PARVA: variants seen among roughly 807,000 people sequenced by gnomAD.
The protein encoded by PARVA is parvin alpha.
A neutral mutation model predicts 52.6 loss-of-function variants in PARVA; 25 were observed. The ratio of observed to expected loss-of-function variants is 0.48; its 90% confidence interval spans 0.35 to 0.66. PARVA has a LOEUF of 0.66. Ranked by LOEUF, PARVA falls within the 30% of genes least tolerant of loss-of-function variation. The pLI is 0.01. For missense variants in PARVA, 373 were observed against 450.9 expected, an observed-to-expected ratio of 0.83 and a Z score of 1.56; for synonymous variants, 185 against 179.1, an observed-to-expected ratio of 1.03 and a Z score of -0.26.
intron 5 of PARVA, among the ~76,000 whole-genome samples, chr11:12,498,246 G>A (rs1941323724): frequency 6.6e-6 from 1 of 152,096 alleles, no homozygotes; most frequent in African/African-American, 2.4e-5. Flanking sequence ...ATGTTGCCCA[G>A]GCTGGTCTCG....
At chr11:12,506,098 A>G (rs1941428390) in intron 6 of PARVA, among the ~76,000 whole-genome samples, 2 of 152,160 alleles carry the variant, frequency 1.3e-5, no homozygotes, top group Non-Finnish European at 2.9e-5. Context: ...AGGGCAGGGA[A>G]TATATAGGAA....
At chr11:12,449,066 T>C (rs1940586330) in intron 1 of PARVA, among the ~76,000 whole-genome samples, 1 of 152,138 alleles carries the variant, frequency 6.6e-6, no homozygotes, top group African/African-American at 2.4e-5. Flanking sequence ...GGTTTAGGCA[T>C]GATGTTTGTT....
chr11:12,515,226 A>G (rs1941552365), intron 10 of PARVA, among the ~76,000 whole-genome samples: 1 of 152,160 alleles, frequency 6.6e-6, no homozygotes, highest in African/African-American at 2.4e-5. Flanking sequence ...TTTGAGCCTG[A>G]TGAATCCTGT....
At chr11:12,436,302 G>A (rs1009034614) in intron 1 of PARVA, among the ~76,000 whole-genome samples, 1 of 152,122 alleles carries the variant, frequency 6.6e-6, no homozygotes, top group Non-Finnish European at 1.5e-5. Context: ...TTATTAACCT[G>A]TCTCATACAC....
At chr11:12,386,798 A>G (rs113556794) in intron 1 of PARVA, among the ~76,000 whole-genome samples, 1 of 152,118 alleles carries the variant, frequency 6.6e-6, no homozygotes, top group Non-Finnish European at 1.5e-5. Flanking sequence ...CTGAGCTCTT[A>G]TTTCACCCAG....
chr11:12,397,989 C>G (rs987575130), intron 1 of PARVA, among the ~76,000 whole-genome samples: 9 of 152,250 alleles, frequency 5.9e-5, no homozygotes, highest in African/African-American at 2.2e-4. Flanking sequence ...CAGCACGGGC[C>G]TCTCTGCCCC....
chr11:12,482,417 G>A (rs1941100396), intron 4 of PARVA, among the ~76,000 whole-genome samples: 1 of 152,012 alleles, frequency 6.6e-6, no homozygotes, highest in Non-Finnish European at 1.5e-5. Flanking sequence ...ATGAGGTCAG[G>A]AGTTCGAGAC....
chr11:12,527,726 C>T (rs1391520675), intron 12 of PARVA, 123 bp from the exon 13 acceptor site: 3 of 768,522 alleles, frequency 3.9e-6, no homozygotes, highest in Non-Finnish European at 4.7e-6. Flanking sequence ...CCACTCTACC[C>T]ATCTGCCCCG....
chr11:12,488,726 T>C (rs1035809417), intron 4 of PARVA, among the ~76,000 whole-genome samples: 3 of 152,200 alleles, frequency 2.0e-5, no homozygotes, highest in African/African-American at 7.2e-5. Flanking sequence ...CAAAAGTCTA[T>C]ACTCACACAG....
At chr11:12,378,139 G>T (rs1206159445) in intron 1 of PARVA, among the ~76,000 whole-genome samples, 1 of 151,874 alleles carries the variant, frequency 6.6e-6, no homozygotes, top group Non-Finnish European at 1.5e-5. Context: ...CAGACAGTGC[G>T]ATCCAGTAGG....
intron 1 of PARVA, among the ~76,000 whole-genome samples, chr11:12,407,268 C>A (rs143042142): frequency 9.4e-4 from 143 of 152,240 alleles, no homozygotes; most frequent in South Asian, 5.6e-3. Flanking sequence ...GAGGCTGGAA[C>A]CATCTTTTTT....
Position 12,531,824 on chromosome 11 carries a change from GCTGCAAGGCC to G in PARVA, c.*3900_*3909del, listed in dbSNP as rs1941775358. Among the ~76,000 whole-genome samples the G allele has an allele frequency of 1.3e-5, 2 of 152,232 alleles. No homozygotes were observed. Among genetic ancestry groups the G allele is most frequent in the South Asian group, 4.1e-4 (2 of 4,828 alleles). On this transcript the variant is annotated 3_prime_UTR_variant, in exon 13 of 13. Coordinates refer to ENST00000334956, the MANE Select transcript of PARVA (RefSeq NM_018222.5). ...GCTGAAAACAAGAGAGCTGCATTAA[GCTGCAAGGCC>G]GGGTAGGGTAGGTAGACTGACTCAC...
intron 12 of PARVA, among the ~76,000 whole-genome samples, chr11:12,524,158 CT>C (rs1941672866): frequency 6.6e-6 from 1 of 152,220 alleles, no homozygotes. Context: ...AGTGCACAGA[CT>C]GCACGGCTAT....
intron 1 of PARVA, among the ~76,000 whole-genome samples, chr11:12,440,026 C>T (rs2135002823): frequency 6.6e-6 from 1 of 152,304 alleles, no homozygotes; most frequent in East Asian, 1.9e-4. Context: ...TCCTTGTTTG[C>T]CTTTCCATTG....
At chr11:12,406,771 T>C (rs1274975640) in intron 1 of PARVA, among the ~76,000 whole-genome samples, 1 of 143,910 alleles carries the variant, frequency 6.9e-6, no homozygotes, top group African/African-American at 2.5e-5. Flanking sequence ...CCCAGGTTCA[T>C]ACCATTCTCC....
chr11:12,388,980 T>G (rs1368598809), intron 1 of PARVA, among the ~76,000 whole-genome samples: 1 of 152,158 alleles, frequency 6.6e-6, no homozygotes, highest in Non-Finnish European at 1.5e-5. Flanking sequence ...GATAATTAGC[T>G]TATCATCAAT....
chr11:12,404,000 G>A (rs1589944487), intron 1 of PARVA, among the ~76,000 whole-genome samples: 1 of 152,166 alleles, frequency 6.6e-6, no homozygotes, highest in Admixed American at 6.5e-5. Flanking sequence ...AGAAACCTGA[G>A]TTAACTGGTA....
chr11:12,480,545 A>G (rs945143672), intron 4 of PARVA: 5 of 152,170 alleles, frequency 3.3e-5, no homozygotes, highest in African/African-American at 1.2e-4. Flanking sequence ...GTAATGGAAC[A>G]TGGTTGTGGA....
At chr11:12,451,603 C>G (rs563575518) in intron 1 of PARVA, among the ~76,000 whole-genome samples, 2 of 152,290 alleles carry the variant, frequency 1.3e-5, no homozygotes, top group African/African-American at 4.8e-5. Flanking sequence ...ACATTACATG[C>G]TTTAATTAAA....
Sources: gnomAD v4.1 joint callset for allele counts (sites outside exome capture counted in the v4.1 genomes callset) on GRCh38, gnomAD v4.1.1 for gene constraint, MANE v1.5 for transcripts, NCBI Gene and HGNC (gene_info 2026-07-23, HGNC 2026-07-21) for gene names.